Variants in CATSPERT observed in about 807,000 individuals in gnomAD.
CATSPERT encodes cation channel sperm-associated targeting subunit tau.
the CATSPERT span, among the ~76,000 whole-genome samples, chr2:201,506,407 C>T: frequency 6.6e-6 from 1 of 151,964 alleles, no homozygotes; most frequent in Non-Finnish European, 1.5e-5. Flanking sequence ...GTAGTATAAC[C>T]CAGGAGGAAT....
chr2:201,592,083 T>C, the CATSPERT span, among the ~76,000 whole-genome samples: 1 of 150,952 alleles, frequency 6.6e-6, no homozygotes, highest in South Asian at 2.1e-4. Flanking sequence ...AGGGAATGCT[T>C]CCAGTTTTTG....
At chr2:201,599,268 C>T in the CATSPERT span, among the ~76,000 whole-genome samples, 1 of 152,076 alleles carries the variant, frequency 6.6e-6, no homozygotes, top group African/African-American at 2.4e-5. Flanking sequence ...CCCCTAATTT[C>T]CATTCCTCAG....
the CATSPERT span, among the ~76,000 whole-genome samples, chr2:201,517,832 G>C: frequency 6.6e-6 from 1 of 152,212 alleles, no homozygotes; most frequent in Non-Finnish European, 1.5e-5. Flanking sequence ...AAAAGTCAAA[G>C]AGTCACAAGG....
the CATSPERT span, among the ~76,000 whole-genome samples, chr2:201,513,009 C>T: frequency 1.3e-5 from 2 of 150,810 alleles, no homozygotes; most frequent in African/African-American, 4.9e-5. Context: ...TGCAGCACAC[C>T]AGCATGGCAC....
the CATSPERT span, among the ~76,000 whole-genome samples, chr2:201,568,102 C>T: frequency 3.3e-5 from 5 of 152,156 alleles, no homozygotes; most frequent in Admixed American, 6.5e-5. Flanking sequence ...ATGCAACAAC[C>T]CATCCTTCAC....
the CATSPERT span, among the ~76,000 whole-genome samples, chr2:201,516,303 G>GA: frequency 6.6e-6 from 1 of 152,306 alleles, no homozygotes; most frequent in Admixed American, 6.5e-5. Context: ...AATTTACAAG[G>GA]AAAAAAGGTT....
At chr2:201,525,996 C>T in the CATSPERT span, among the ~76,000 whole-genome samples, 2 of 151,956 alleles carry the variant, frequency 1.3e-5, no homozygotes, top group Non-Finnish European at 2.9e-5. Context: ...TCAGAAAAAG[C>T]CCAGGACCAG....
chr2:201,583,780 TGAGAA>T, the CATSPERT span, among the ~76,000 whole-genome samples: 11 of 151,924 alleles, frequency 7.2e-5, no homozygotes, highest in African/African-American at 2.4e-4. Context: ...GCGCCACAAA[TGAGAA>T]GAGCAAAAAT....
the CATSPERT span, among the ~76,000 whole-genome samples, chr2:201,577,026 GAC>G: frequency 6.6e-6 from 1 of 152,100 alleles, no homozygotes. Flanking sequence ...GTGCCAAAAT[GAC>G]ACAGAAGTAA....
the CATSPERT span, among the ~76,000 whole-genome samples, chr2:201,518,023 A>G: frequency 0.015 from 2,310 of 152,324 alleles, 20 homozygotes; most frequent in African/African-American, 0.024. Flanking sequence ...TCATAGCTCA[A>G]AAAAGTCATT....
the CATSPERT span, chr2:201,487,791 G>A: frequency 6.2e-7 from 1 of 1,614,018 alleles, no homozygotes. Context: ...TGTCTGGCAT[G>A]GTTATGGATA....
the CATSPERT span, chr2:201,549,906 C>T: frequency 6.6e-6 from 1 of 151,414 alleles, no homozygotes; most frequent in African/African-American, 2.4e-5. Flanking sequence ...AGTATCTCTT[C>T]CCCAACTGTA....
the CATSPERT span, among the ~76,000 whole-genome samples, chr2:201,544,208 A>C: frequency 6.6e-6 from 1 of 152,142 alleles, no homozygotes; most frequent in Non-Finnish European, 1.5e-5. Context: ...TTATGGCTGC[A>C]TAGTATTCCA....
chr2:201,516,756 T>TC, the CATSPERT span, among the ~76,000 whole-genome samples: 33 of 106,610 alleles, frequency 3.1e-4, no homozygotes, highest in African/African-American at 9.4e-4. Context: ...AGATTTTTTT[T>TC]CCCCCCTACC....
the CATSPERT span, among the ~76,000 whole-genome samples, chr2:201,524,358 A>G: frequency 6.6e-6 from 1 of 152,218 alleles, no homozygotes; most frequent in Non-Finnish European, 1.5e-5. Context: ...CAGGAATTTT[A>G]TATCCAGCCA....
chr2:201,595,932 C>G, the CATSPERT span, among the ~76,000 whole-genome samples: 54 of 104,272 alleles, frequency 5.2e-4, no homozygotes, highest in Non-Finnish European at 8.2e-4. Flanking sequence ...AAAACAGATG[C>G]TGACGAAGTT....
chr2:201,526,889 A>G, the CATSPERT span, among the ~76,000 whole-genome samples: 2,244 of 152,348 alleles, frequency 0.015, 31 homozygotes, highest in Middle Eastern at 0.037. Context: ...CTCCTATTCA[A>G]TGTAGTTCTG....
the CATSPERT span, among the ~76,000 whole-genome samples, chr2:201,513,131 A>G: frequency 1.3e-5 from 2 of 151,990 alleles, no homozygotes; most frequent in South Asian, 4.1e-4. Context: ...AAAAGAAACT[A>G]TCAACAGAGT....
chr2:201,525,828 A>G, the CATSPERT span, among the ~76,000 whole-genome samples: 5 of 152,186 alleles, frequency 3.3e-5, no homozygotes, highest in Non-Finnish European at 7.4e-5. Flanking sequence ...TTCAGAGACT[A>G]TTTAAAACAC....
Sources: gnomAD v4.1 joint callset for allele counts (sites outside exome capture counted in the v4.1 genomes callset) on GRCh38, gnomAD v4.1.1 for gene constraint, MANE v1.5 for transcripts, NCBI Gene and HGNC (gene_info 2026-07-23, HGNC 2026-07-21) for gene names.